The following NDRG2 variants were observed in gnomAD, a reference collection of about 807,000 sequenced individuals.
NDRG2 encodes protein NDRG2.
Under a neutral mutation model 58.2 loss-of-function variants are expected in NDRG2, and 34 were observed. The ratio of observed to expected loss-of-function variants is 0.58; its 90% CI spans 0.44 to 0.78. The LOEUF (loss-of-function observed/expected upper bound fraction) is 0.78. NDRG2 is among the 30% of genes least tolerant of loss of function. NDRG2 has a pLI of 0.00. For synonymous variants in NDRG2, 187 were observed against 175.9 expected (o/e 1.06, Z -0.50); for missense variants, 434 against 471.2 (o/e 0.92, Z 0.73).
At chr14:21,051,560 A>G (rs1885468738) in intron 1 of NDRG2, among the ~76,000 whole-genome samples, 1 of 152,134 alleles carries the variant, frequency 6.6e-6, no homozygotes, top group Non-Finnish European at 1.5e-5. Flanking sequence ...GTGAGGAACA[A>G]AGGGAGACAG....
At chr14:21,030,597 GA>G (rs746244209), upstream of NDRG2, 2 of 1,613,750 alleles carry the variant, frequency 1.2e-6, no homozygotes, top group Non-Finnish European at 1.7e-6. Context: ...ATCAGAGGCA[GA>G]AAAAACATTC....
intron 1 of NDRG2, chr14:21,036,264 T>C (rs1402160589): frequency 2.2e-5 from 10 of 456,194 alleles, no homozygotes; most frequent in East Asian, 6.9e-5. Context: ...ATATCTCTTA[T>C]ACAACTTCAA....
intron 1 of NDRG2, among the ~76,000 whole-genome samples, chr14:21,069,688 G>A (rs575735282): frequency 2.0e-5 from 3 of 152,346 alleles, no homozygotes; most frequent in East Asian, 3.9e-4. Flanking sequence ...TTCCAGGCCC[G>A]AGGAGATGGA....
At chr14:21,057,885 T>C (rs12435011) in intron 1 of NDRG2, 952,446 of 1,610,466 alleles carry the variant, frequency 0.59, 283,701 homozygotes, top group Non-Finnish European at 0.61. Context: ...CTGTCTCCCT[T>C]AAGAGAGATG....
rs898560927 is a variant in NDRG2 at position 21,070,297 on chromosome 14, C to T, written c.24+531G>A. 17 of 1,326,662 alleles carry T rather than the reference C, an allele frequency of 1.3e-5. No homozygotes were observed. Among genetic ancestry groups the T allele is most frequent in the African/African-American group, 6.2e-5 (4 of 64,144 alleles). 82.2% of individuals were successfully genotyped at this position (1,326,662 alleles called of 1,614,324 possible). The stretch of plus-strand genomic sequence containing the variant: ...GCCGCCACCGCGGCCGGAGCTGTCC[C>T]TTAGCCAGACCCGGCGAGACACGAG... On this transcript the variant is annotated intron_variant, in intron 1 of 14. Transcript: ENST00000403829. This position sits in a 1 kb window ranked among gnomAD's most constrained non-coding sequence, Gnocchi z 4.7.
chr14:21,057,838 T>C, intron 1 of NDRG2: 1 of 1,474,212 alleles, frequency 6.8e-7, no homozygotes, highest in East Asian at 2.3e-5. Context: ...TCCCCCATGA[T>C]GACCTATTCA....
chr14:21,035,853 A>G lies in NDRG2; in HGVS notation c.25-12532T>C, dbSNP rs573438106. The G allele has an allele frequency of 3.1e-4, 142 of 455,996 alleles. 2 individuals are homozygous for G. Among genetic ancestry groups the G allele is most frequent in the South Asian group, 1.5e-3 (95 of 64,554 alleles). 28.2% of individuals were successfully genotyped at this position (455,996 alleles called of 1,614,324 possible). A position where few individuals can be genotyped will look rare whatever the true frequency, so the allele number is the denominator to read the frequency against. On this transcript the variant is annotated intron_variant, in intron 1 of 14. Transcript: ENST00000403829. Reference sequence around the variant, plus strand: ...GATCCTAGACCCCTCCACCTCCCCAATCCCAGCTACGGGGAGGCGGTCCTG... The same window carrying G: ...GATCCTAGACCCCTCCACCTCCCCAGTCCCAGCTACGGGGAGGCGGTCCTG...
At position 21,037,123 on chromosome 14, in the gene NDRG2, C is replaced by CA. The variant is rs200476700; in HGVS notation, c.25-13803_25-13802insT. Reference sequence around the variant, plus strand: ...CCACCCATCACCGCTCTTCGCTCCCCCCACCCAACACCACTCACTTCTGCC... The same window carrying CA: ...CCACCCATCACCGCTCTTCGCTCCCCACCACCCAACACCACTCACTTCTGCC... On this transcript the variant is annotated intron_variant, in intron 1 of 14. Coordinates refer to the NDRG2 transcript ENST00000403829. 3.8e-3 allele frequency among the ~76,000 whole-genome samples: 582 copies of CA among 152,274 alleles called. 1 individual carries two copies. Among genetic ancestry groups the CA allele is most frequent in the African/African-American group, 0.013 (524 of 41,536 alleles).
At chr14:21,066,197 A>G (rs1886253295) in intron 1 of NDRG2, among the ~76,000 whole-genome samples, 1 of 152,234 alleles carries the variant, frequency 6.6e-6, no homozygotes, top group South Asian at 2.1e-4. Flanking sequence ...CCACAGGGCT[A>G]TGGTAAAAGA....
chr14:21,020,707 C>G, intron 7 of NDRG2, 77 bp downstream of exon 7: 2 of 1,598,170 alleles, frequency 1.3e-6, no homozygotes, highest in Middle Eastern at 1.7e-4. Context: ...CTTCCTCCCC[C>G]AAACAGCACT....
intron 1 of NDRG2, chr14:21,033,877 A>G (rs1352451262): frequency 6.2e-7 from 1 of 1,614,160 alleles, no homozygotes; most frequent in Non-Finnish European, 8.5e-7. Flanking sequence ...TTGCGGGAGC[A>G]GAGTAGGTAG....
chr14:21,043,477 C>T, intron 1 of NDRG2: 3 of 1,554,420 alleles, frequency 1.9e-6, no homozygotes, highest in Non-Finnish European at 2.6e-6. Context: ...TCCAGACTGG[C>T]TTGCTCTTTG....
At chr14:21,032,563 G>A in intron 1 of NDRG2, 1 of 346,770 alleles carries the variant, frequency 2.9e-6, no homozygotes, top group South Asian at 2.1e-5. Flanking sequence ...AGGAGTAGAA[G>A]CCAGCTAAGG....
upstream of NDRG2, chr14:21,030,181 G>T: frequency 5.4e-6 from 1 of 185,066 alleles, no homozygotes; most frequent in Non-Finnish European, 1.1e-5. Context: ...CACTGCTGAG[G>T]TCATAGAATC....
At chr14:21,031,847 A>C in intron 1 of NDRG2, 1 of 1,590,068 alleles carries the variant, frequency 6.3e-7, no homozygotes, top group African/African-American at 1.3e-5. Context: ...GGGATATGAC[A>C]GCGTAAGGAA....
chr14:21,021,615 ATTAGGGCTATTCTG>A (rs1880393092), intron 6 of NDRG2, 188 bp downstream of exon 6: 3 of 611,914 alleles, frequency 4.9e-6, no homozygotes, highest in African/African-American at 1.9e-5. Flanking sequence ...CCCTCCACCC[ATTAGGGCTATTCTG>A]TTGACTCTGG....
rs746509955 is a variant in NDRG2 at position 21,022,193 on chromosome 14, C to T, written c.224-11G>A. 1.2e-6 allele frequency: 2 copies of T among 1,614,048 alleles called. No individual in the cohort carries two copies. The highest frequency in any genetic ancestry group is 2.2e-5 in the East Asian group (1 of 44,898). On this transcript the variant is annotated splice_polypyrimidine_tract_variant and intron_variant, in intron 4 of 15. Coordinates refer to ENST00000556147, the MANE Select transcript of NDRG2 (RefSeq NM_001320329.2). ...GGAAGCAAGATTTATCTAAAGAGAA[C>T]CCACATCACCTCAACAATAGAATCA...
At chr14:21,027,361 G>A (rs1399760155), upstream of NDRG2, among the ~76,000 whole-genome samples, 2 of 152,232 alleles carry the variant, frequency 1.3e-5, no homozygotes, top group Non-Finnish European at 2.9e-5. Flanking sequence ...GCAAGCCACT[G>A]TGTAGATGAA....
intron 1 of NDRG2, among the ~76,000 whole-genome samples, chr14:21,069,188 C>A (rs557269371): frequency 6.6e-6 from 1 of 152,360 alleles, no homozygotes; most frequent in East Asian, 1.9e-4. Flanking sequence ...GTGCCCGTGC[C>A]TCCCCCCGGG....
Sources: gnomAD v4.1 joint callset for allele counts (sites outside exome capture counted in the v4.1 genomes callset) on GRCh38, gnomAD v4.1.1 for gene constraint, Gnocchi (gnomAD v3.1) non-coding constraint, MANE v1.5 for transcripts, NCBI Gene and HGNC (gene_info 2026-07-23, HGNC 2026-07-21) for gene names.